The following EPB41L4B variants were observed in gnomAD, a reference collection of about 807,000 sequenced individuals.
The protein encoded by EPB41L4B is erythrocyte membrane protein band 4.1 like 4B, also known as band 4.1-like protein 4B.
Under a neutral mutation model 112.5 loss-of-function variants are expected in EPB41L4B, and 30 were observed. The observed-to-expected ratio is 0.27, with a 90% confidence interval of 0.20 to 0.36. The LOEUF (loss-of-function observed/expected upper bound fraction) is 0.36. Among genes scored for constraint, EPB41L4B ranks in the 10% least tolerant of loss-of-function variants. The probability of loss-of-function intolerance (pLI) is 1.00; values close to 1 mark genes in which losing one functional copy is unlikely to be tolerated. For synonymous variants in EPB41L4B, 408 were observed against 439.7 expected (o/e 0.93, Z 0.90); for missense variants, 1,024 against 1,133.3 (o/e 0.90, Z 1.38).
At chr9:109,241,960 T>C in intron 15 of EPB41L4B, 1 of 740,622 alleles carries the variant, frequency 1.4e-6, no homozygotes, top group Non-Finnish European at 2.2e-6. Context: ...ATGGATTTCC[T>C]AGTAAGAATT....
chr9:109,211,904 TG>T (rs10683465), intron 17 of EPB41L4B, among the ~76,000 whole-genome samples: 2,606 of 148,540 alleles, frequency 0.018, 76 homozygotes, highest in African/African-American at 0.062. Flanking sequence ...ATAGTAGAGA[TG>T]GGGGGGGTCT....
chr9:109,284,253 C>A (rs1325700957), intron 1 of EPB41L4B, among the ~76,000 whole-genome samples: 3 of 152,130 alleles, frequency 2.0e-5, no homozygotes, highest in Admixed American at 6.5e-5. Flanking sequence ...TGAAAGTGAA[C>A]AACAGAATGC....
In EPB41L4B at chr9:109,174,072, T is replaced by TGTTA. The variant is rs1176634684; in HGVS notation, c.*478_*481dup. On this transcript the variant is annotated 3_prime_UTR_variant, in exon 26 of 26. Coordinates refer to ENST00000374566, the MANE Select transcript of EPB41L4B (RefSeq NM_019114.5). ...CTACTCACATCTGAATACAAATGAA[T>TGTTA]GTTAAAGACTTTATAAGATCTGTGT... The TGTTA allele has an allele frequency of 3.3e-5, 5 of 153,674 alleles. No homozygotes were observed. Among genetic ancestry groups the TGTTA allele is most frequent in the African/African-American group, 1.2e-4 (5 of 41,476 alleles). The allele number at this position is 153,674 out of a possible 1,614,324, so 9.5% of individuals were successfully genotyped here. A position where few individuals can be genotyped will look rare whatever the true frequency, so the allele number is the denominator to read the frequency against.
chr9:109,203,762 C>G, intron 18 of EPB41L4B, 32 bp from the exon 19 acceptor site: 4 of 1,569,914 alleles, frequency 2.5e-6, no homozygotes, highest in South Asian at 1.1e-5. Flanking sequence ...TTAGTCAAAA[C>G]TGAATATGTT....
intron 1 of EPB41L4B, among the ~76,000 whole-genome samples, chr9:109,302,381 C>T (rs1837002927): frequency 6.6e-6 from 1 of 152,214 alleles, no homozygotes. Context: ...TCTTAGATGA[C>T]ACCAGTCATA....
At chr9:109,185,201 A>T (rs970227267) in intron 23 of EPB41L4B, among the ~76,000 whole-genome samples, 1 of 152,256 alleles carries the variant, frequency 6.6e-6, no homozygotes, top group Non-Finnish European at 1.5e-5. Context: ...ACCAAAGCAT[A>T]TATTTCTCTC....
chr9:109,211,904 T>TGGTGG (rs111715992), intron 17 of EPB41L4B, among the ~76,000 whole-genome samples: 4 of 148,554 alleles, frequency 2.7e-5, no homozygotes, highest in Non-Finnish European at 6.0e-5. Flanking sequence ...ATAGTAGAGA[T>TGGTGG]GGGGGGGGTC....
chr9:109,270,904 T>C (rs1454915420), intron 2 of EPB41L4B, among the ~76,000 whole-genome samples: 3 of 152,226 alleles, frequency 2.0e-5, no homozygotes, highest in African/African-American at 7.2e-5. Context: ...CCAAGACTCA[T>C]TAAACAGAGT....
chr9:109,301,396 T>C (rs1209097502), intron 1 of EPB41L4B, among the ~76,000 whole-genome samples: 1 of 152,214 alleles, frequency 6.6e-6, no homozygotes, highest in African/African-American at 2.4e-5. Flanking sequence ...TGCCTTGAAA[T>C]GTACAAATCT....
chr9:109,227,935 A>G (rs1833839380), intron 15 of EPB41L4B, among the ~76,000 whole-genome samples: 1 of 152,140 alleles, frequency 6.6e-6, no homozygotes, highest in African/African-American at 2.4e-5. Context: ...TGACTTTAGG[A>G]TATTTCTGCC....
chr9:109,212,670 C>G (rs887410720), intron 17 of EPB41L4B, among the ~76,000 whole-genome samples: 1 of 152,128 alleles, frequency 6.6e-6, no homozygotes, highest in East Asian at 1.9e-4. Context: ...AGGGACAAAG[C>G]TAAGCATTAA....
intron 1 of EPB41L4B, among the ~76,000 whole-genome samples, chr9:109,319,254 C>G (rs980896172): frequency 8.5e-5 from 13 of 152,344 alleles, no homozygotes; most frequent in African/African-American, 3.1e-4. Flanking sequence ...CGGACCGCAG[C>G]GCCGGCCCAG....
chr9:109,189,756 GTAGCTGGGAC>G (rs957008838), intron 22 of EPB41L4B, among the ~76,000 whole-genome samples: 1 of 151,884 alleles, frequency 6.6e-6, no homozygotes, highest in African/African-American at 2.4e-5. Flanking sequence ...AGCCTCCCAA[GTAGCTGGGAC>G]TACAGATGTG....
chr9:109,217,211 C>T, intron 15 of EPB41L4B, 66 bp from the exon 16 acceptor site: 2 of 1,471,240 alleles, frequency 1.4e-6, no homozygotes, highest in Middle Eastern at 2.4e-4. Context: ...TGTGTACTTT[C>T]AAAGACGTTT....
intron 21 of EPB41L4B, among the ~76,000 whole-genome samples, chr9:109,193,887 G>A (rs1832551027): frequency 6.6e-6 from 1 of 152,166 alleles, no homozygotes; most frequent in Non-Finnish European, 1.5e-5. Context: ...CTATGGTTGG[G>A]GGGGAATCAT....
chr9:109,319,908 C>A (rs191791152), intron 1 of EPB41L4B, among the ~76,000 whole-genome samples: 2 of 152,124 alleles, frequency 1.3e-5, no homozygotes, highest in African/African-American at 4.8e-5. Context: ...GAAATCGCAA[C>A]CCCGCGGCGC....
At chr9:109,256,558 G>T (rs1834991615) in intron 7 of EPB41L4B, 78 bp from the exon 8 acceptor site, 5 of 1,230,196 alleles carry the variant, frequency 4.1e-6, no homozygotes, top group Non-Finnish European at 5.9e-6. Context: ...GCCTTACTAT[G>T]GAACGTTATG....
intron 15 of EPB41L4B, among the ~76,000 whole-genome samples, chr9:109,222,418 A>G (rs938512995): frequency 1.3e-5 from 2 of 152,182 alleles, no homozygotes; most frequent in African/African-American, 4.8e-5. Context: ...TCATGGCTTC[A>G]TGGATTGTGC....
intron 1 of EPB41L4B, among the ~76,000 whole-genome samples, chr9:109,285,226 TTACGTAAAATGAA>T (rs1242824446): frequency 6.6e-6 from 1 of 152,220 alleles, no homozygotes; most frequent in East Asian, 1.9e-4. Context: ...ACAGCTCTAC[TTACGTAAAATGAA>T]GAGGGTTAGC....
Sources: gnomAD v4.1 joint callset for allele counts (sites outside exome capture counted in the v4.1 genomes callset) on GRCh38, gnomAD v4.1.1 for gene constraint, MANE v1.5 for transcripts, NCBI Gene and HGNC (gene_info 2026-07-23, HGNC 2026-07-21) for gene names.